Variants in AUTS2 observed in about 807,000 individuals in gnomAD.
The protein encoded by AUTS2 is activator of transcription and developmental regulator AUTS2, also known as autism susceptibility gene 2 protein.
AUTS2 carries 17 observed loss-of-function variants against 112.4 expected under a neutral mutation model. The observed-to-expected ratio is 0.15, with a 90% confidence interval of 0.10 to 0.23. The LOEUF is 0.23. Ranked by LOEUF, AUTS2 falls within the 10% of genes least tolerant of loss-of-function variation. The pLI is 1.00. For missense variants in AUTS2, 1,510 were observed against 1,701.6 expected (o/e 0.89, Z 1.98); for synonymous variants, 751 against 702.7 (o/e 1.07, Z -1.09).
At chr7:70,013,938 G>C (rs978608792) in intron 2 of AUTS2, among the ~76,000 whole-genome samples, 11 of 152,014 alleles carry the variant, frequency 7.2e-5, no homozygotes, top group African/African-American at 2.4e-4. Context: ...GGATGGTCTC[G>C]ATCTCCTGAC....
chr7:70,685,167 A>C (rs977669379), intron 5 of AUTS2, among the ~76,000 whole-genome samples: 1 of 152,100 alleles, frequency 6.6e-6, no homozygotes, highest in Non-Finnish European at 1.5e-5. Flanking sequence ...GGGTCCTCAG[A>C]TCAGATACAG....
chr7:69,995,280 A>G (rs1446907994), intron 2 of AUTS2, among the ~76,000 whole-genome samples: 3 of 152,152 alleles, frequency 2.0e-5, no homozygotes, highest in Non-Finnish European at 4.4e-5. Context: ...CCCTAACTTT[A>G]TATAAAAGCA....
rs544275883 is a variant in AUTS2, at chr7:69,626,378, A to T, written c.309+26416A>T. Among the ~76,000 whole-genome samples the T allele has an allele frequency of 9.9e-5, 15 of 151,848 alleles. No individual in the cohort carries two copies. The South Asian group carries it at 2.9e-3, about 30-fold the overall frequency. Reference sequence around the variant, plus strand: ...AAGCTCCAATTTTCTGTTATGTTTTACTTAAACCCCGCCTGGTTGCCGTGT... The same window carrying T: ...AAGCTCCAATTTTCTGTTATGTTTTTCTTAAACCCCGCCTGGTTGCCGTGT... On this transcript the variant is annotated intron_variant, in intron 1 of 18. Transcript: ENST00000342771.
intron 2 of AUTS2, among the ~76,000 whole-genome samples, chr7:70,000,426 G>A (rs532522700): frequency 6.6e-6 from 1 of 152,294 alleles, no homozygotes; most frequent in Non-Finnish European, 1.5e-5. Flanking sequence ...AATGTCTGTT[G>A]TGTACAGTTG....
intron 6 of AUTS2, among the ~76,000 whole-genome samples, chr7:70,710,969 C>T (rs1810016109): frequency 6.6e-6 from 1 of 152,212 alleles, no homozygotes; most frequent in African/African-American, 2.4e-5. Flanking sequence ...GATTTCTACC[C>T]CCATGGGAAG....
rs190221249 is a variant in AUTS2, at chr7:70,474,883, C to A, written c.690+39102C>A. Among the ~76,000 whole-genome samples, 609 of 152,266 alleles carry A rather than the reference C, an allele frequency of 4.0e-3. 3 individuals are homozygous for A. Among genetic ancestry groups the A allele is most frequent in the Non-Finnish European group, 6.4e-3 (435 of 68,024 alleles). On this transcript the variant is annotated intron_variant, in intron 5 of 18. Transcript: ENST00000342771. ...TCAGGAAACAGGATGTTTTCCTTTCCCTGGGTTTAGGTCTGGCTCATACTC... is the reference window on the plus strand; with the variant it reads ...TCAGGAAACAGGATGTTTTCCTTTCACTGGGTTTAGGTCTGGCTCATACTC...
chr7:69,947,706 T>A (rs1002456673), intron 2 of AUTS2, among the ~76,000 whole-genome samples: 4 of 152,184 alleles, frequency 2.6e-5, no homozygotes, highest in Non-Finnish European at 5.9e-5. Flanking sequence ...ATAAATTTGT[T>A]ATATAGGCTT....
chr7:70,706,286 A>G (rs1379696247), intron 6 of AUTS2, among the ~76,000 whole-genome samples: 1 of 152,226 alleles, frequency 6.6e-6, no homozygotes, highest in Non-Finnish European at 1.5e-5. Flanking sequence ...GTAAAGGGGA[A>G]AAGAGCAGAG....
intron 4 of AUTS2, among the ~76,000 whole-genome samples, chr7:70,318,657 T>G (rs1341170647): frequency 6.6e-6 from 1 of 152,188 alleles, no homozygotes; most frequent in Non-Finnish European, 1.5e-5. Context: ...GTGTGGGTGT[T>G]GAGACCACAT....
chr7:70,788,479 T>C (rs2129561258), intron 18 of AUTS2, among the ~76,000 whole-genome samples: 1 of 152,328 alleles, frequency 6.6e-6, no homozygotes, highest in East Asian at 1.9e-4. Context: ...GTTTATGACA[T>C]TCATCTCTGA....
At chr7:69,756,839 T>C (rs1163033047) in intron 1 of AUTS2, among the ~76,000 whole-genome samples, 2 of 152,174 alleles carry the variant, frequency 1.3e-5, no homozygotes, top group East Asian at 1.9e-4. Flanking sequence ...GCGTGGAACA[T>C]TGGGGCATAT....
At chr7:70,093,022 T>C (rs1421554565) in intron 2 of AUTS2, among the ~76,000 whole-genome samples, 1 of 152,022 alleles carries the variant, frequency 6.6e-6, no homozygotes, top group African/African-American at 2.4e-5. Context: ...TTTTACAGAG[T>C]CTTTGCTGCT....
intron 4 of AUTS2, among the ~76,000 whole-genome samples, chr7:70,331,764 C>T (rs569443072): frequency 4.6e-5 from 7 of 152,092 alleles, no homozygotes; most frequent in African/African-American, 9.7e-5. Context: ...CGATAAAATT[C>T]GACACCCCTT....
At chr7:69,665,665 A>T (rs963142205) in intron 1 of AUTS2, among the ~76,000 whole-genome samples, 7 of 152,180 alleles carry the variant, frequency 4.6e-5, no homozygotes, top group African/African-American at 7.2e-5. Flanking sequence ...TCTCTTCCCT[A>T]AATTTTTCTG....
At chr7:70,615,762 T>C (rs902526586) in intron 5 of AUTS2, among the ~76,000 whole-genome samples, 1 of 149,624 alleles carries the variant, frequency 6.7e-6, no homozygotes, top group South Asian at 2.1e-4. Flanking sequence ...TCTGTTCAAA[T>C]TTTTTTTTTG....
intron 5 of AUTS2, chr7:70,596,869 C>T (rs552783330): frequency 1.3e-5 from 2 of 152,252 alleles, no homozygotes; most frequent in African/African-American, 4.8e-5. Context: ...TTTCTTTAAG[C>T]ACATTGTCTG....
intron 5 of AUTS2, among the ~76,000 whole-genome samples, chr7:70,585,864 G>T (rs4997565): frequency 0.96 from 144,997 of 151,144 alleles, 69,426 homozygotes; most frequent in Admixed American, 0.97. Context: ...ATTTATGTAT[G>T]TATATATGTA....
chr7:70,608,330 C>A (rs890617785), intron 5 of AUTS2, among the ~76,000 whole-genome samples: 2 of 152,074 alleles, frequency 1.3e-5, no homozygotes, highest in Non-Finnish European at 2.9e-5. Context: ...TCCTCAAACT[C>A]CTGGGCTCAA....
At chr7:69,924,358 A>G (rs1795924665) in intron 2 of AUTS2, among the ~76,000 whole-genome samples, 1 of 152,104 alleles carries the variant, frequency 6.6e-6, no homozygotes, top group South Asian at 2.1e-4. Flanking sequence ...AAGAATTTTT[A>G]CACCTGTGTT....
Sources: allele counts gnomAD v4.1 joint callset (sites outside exome capture counted in the v4.1 genomes callset), GRCh38; gene constraint gnomAD v4.1.1; transcripts MANE v1.5; gene names NCBI Gene and HGNC (gene_info 2026-07-23, HGNC 2026-07-21).